Variants in TMEM244 observed in about 807,000 individuals in gnomAD.
TMEM244 encodes putative transmembrane protein 244.
In TMEM244, 13 loss-of-function variants were observed where a neutral mutation model predicts 15.8. The ratio of observed to expected loss-of-function variants is 0.82; its 90% confidence interval spans 0.53 to 1.30. The LOEUF is 1.30. Among genes scored for constraint, TMEM244 ranks in the 50% most tolerant of loss-of-function variants. The pLI, the probability that TMEM244 is intolerant of heterozygous loss-of-function variation, is 0.00. For missense variants in TMEM244, 161 were observed against 144.9 expected (o/e 1.11, Z -0.57); for synonymous variants, 45 against 48.7 (o/e 0.92, Z 0.32).
chr6:129,838,325 C>T (rs1776437491), intron 3 of TMEM244, among the ~76,000 whole-genome samples: 1 of 152,190 alleles, frequency 6.6e-6, no homozygotes, highest in Non-Finnish European at 1.5e-5. Flanking sequence ...CAACCTGCTC[C>T]TGAATGACTA....
chr6:129,857,740 C>A (rs1051913239), intron 1 of TMEM244, among the ~76,000 whole-genome samples: 6 of 151,732 alleles, frequency 4.0e-5, no homozygotes, highest in African/African-American at 1.5e-4. Flanking sequence ...CTCTAGTATT[C>A]TCCATTAAGT....
In TMEM244 at chr6:129,861,158, T is replaced by C. The variant is rs137972639; in HGVS notation, c.31A>G (p.Lys11Glu). The part of the protein sequence containing the change: MALQVRVAPS[K>E]VVLQKFLLCV... ...GCAAAGAAGTAATTTCTCTTTACCT[T>C]GCTTGGAGCAACTCTGACCTGGAGA... The change falls in exon 1 of 5, where the codon AAG becomes GAG. Residue 11 changes from lysine (K) to glutamate (E), a missense_variant and splice_region_variant. Lys to Glu is a moderately conservative substitution (Grantham distance 56, BLOSUM62 1). Transcript: ENST00000368143. 7 of 1,613,666 alleles carry C rather than the reference T, an allele frequency of 4.3e-6. No individual in the cohort carries two copies. Among genetic ancestry groups the C allele is most frequent in the South Asian group, 1.1e-5 (1 of 91,080 alleles).
At chr6:129,840,915 CA>C (rs1165005974) in intron 3 of TMEM244, among the ~76,000 whole-genome samples, 1 of 152,138 alleles carries the variant, frequency 6.6e-6, no homozygotes, top group Non-Finnish European at 1.5e-5. Context: ...ATTAAAAAGT[CA>C]GGAAACAACA....
At chr6:129,840,087 T>A (rs1187857762) in intron 3 of TMEM244, among the ~76,000 whole-genome samples, 1 of 152,142 alleles carries the variant, frequency 6.6e-6, no homozygotes, top group Admixed American at 6.5e-5. Context: ...TACTCTAAAG[T>A]TCATATGGAA....
chr6:129,860,162 C>T (rs1181794015), intron 1 of TMEM244, among the ~76,000 whole-genome samples: 2 of 138,820 alleles, frequency 1.4e-5, no homozygotes, highest in Non-Finnish European at 3.1e-5. Context: ...TCTGTCTGGT[C>T]TGTGTAAGCC....
chr6:129,859,585 C>T (rs1442764279), intron 1 of TMEM244, among the ~76,000 whole-genome samples: 2 of 152,172 alleles, frequency 1.3e-5, no homozygotes, highest in Admixed American at 6.5e-5. Context: ...GGAAACATGC[C>T]GTCTACTGGA....
At chr6:129,852,262 A>T (rs1776645451) in intron 1 of TMEM244, among the ~76,000 whole-genome samples, 1 of 152,134 alleles carries the variant, frequency 6.6e-6, no homozygotes, top group Admixed American at 6.6e-5. Flanking sequence ...ACCGGTGAGC[A>T]TCTTCACAAA....
chr6:129,853,864 C>G (rs1776668536), intron 1 of TMEM244, among the ~76,000 whole-genome samples: 1 of 152,174 alleles, frequency 6.6e-6, no homozygotes, highest in Non-Finnish European at 1.5e-5. Flanking sequence ...CTGAGTACTT[C>G]AGCAGTGTAA....
At chr6:129,835,897 A>G (rs1776398288) in intron 3 of TMEM244, among the ~76,000 whole-genome samples, 1 of 152,144 alleles carries the variant, frequency 6.6e-6, no homozygotes. Context: ...CAGTGTAAAC[A>G]AAGAGGCCTG....
intron 1 of TMEM244, among the ~76,000 whole-genome samples, chr6:129,851,141 T>C (rs1776633009): frequency 6.6e-6 from 1 of 152,194 alleles, no homozygotes; most frequent in South Asian, 2.1e-4. Context: ...ATTAAGGAAC[T>C]AATCCCAGCT....
At chr6:129,833,325 C>T in intron 4 of TMEM244, 135 bp downstream of exon 4, 1 of 984,450 alleles carries the variant, frequency 1.0e-6, no homozygotes. Flanking sequence ...GGGATGAAGA[C>T]CTTTCATCTT....
intron 1 of TMEM244, among the ~76,000 whole-genome samples, chr6:129,855,052 A>G (rs17475770): frequency 0.15 from 22,110 of 152,190 alleles, 1,647 homozygotes; most frequent in East Asian, 0.22. Flanking sequence ...GGATATAGGA[A>G]CTGGTCTAGG....
intron 3 of TMEM244, among the ~76,000 whole-genome samples, chr6:129,836,592 G>A (rs964520588): frequency 6.6e-6 from 1 of 152,142 alleles, no homozygotes; most frequent in Non-Finnish European, 1.5e-5. Flanking sequence ...ACAGAAGTAG[G>A]CTTCAGAAAC....
intron 3 of TMEM244, 121 bp downstream of exon 3, chr6:129,843,409 G>T: frequency 1.7e-6 from 1 of 572,482 alleles, no homozygotes; most frequent in Non-Finnish European, 2.9e-6. Context: ...TTTGAAATCA[G>T]ATAAAATACA....
Position 129,843,657 on chromosome 6 carries a change from G to A in TMEM244, c.120-54C>T, listed in dbSNP as rs1460359997. The A allele has an allele frequency of 8.0e-6, 10 of 1,256,240 alleles. No individual in the cohort carries two copies. In the African/African-American group the frequency reaches 1.0e-4, roughly 13 times the overall value. The allele number at this position is 1,256,240 out of a possible 1,614,324, so 77.8% of individuals were successfully genotyped here. On this transcript the variant is annotated intron_variant, in intron 2 of 4. Transcript: ENST00000368143. ...ACTCTGAATGAGGCAGTTCATAACAGCACATCAAAGTGACACACGTTACTA... is the reference window on the plus strand; with the variant it reads ...ACTCTGAATGAGGCAGTTCATAACAACACATCAAAGTGACACACGTTACTA...
chr6:129,846,814 T>A (rs1418897069), intron 1 of TMEM244, among the ~76,000 whole-genome samples: 1 of 152,166 alleles, frequency 6.6e-6, no homozygotes, highest in African/African-American at 2.4e-5. Context: ...CAGAGCAATT[T>A]GGTAAAACAC....
At chr6:129,858,323 C>T (rs1402090499) in intron 1 of TMEM244, among the ~76,000 whole-genome samples, 1 of 152,026 alleles carries the variant, frequency 6.6e-6, no homozygotes, top group Non-Finnish European at 1.5e-5. Context: ...TAGGAGAATT[C>T]TTTTGTGAAA....
rs900906701 is a variant in TMEM244 at position 129,845,773 on chromosome 6, A to G, written c.113T>C (p.Met38Thr). ...AAGACAATGTGCTACTTACTCAAAC[A>G]TCACGCAGCCCATGCTCAGGGACAC... is the stretch of plus-strand genomic sequence containing the variant. ...YYVSLSMGCV[M>T]FEVHELNVLA... is the part of the protein sequence containing the mutation. The change falls in exon 2 of 5, where the codon ATG (methionine) becomes ACG (threonine). Residue 38 changes from methionine to threonine, a missense_variant. Coordinates refer to ENST00000368143, the MANE Select transcript of TMEM244 (RefSeq NM_001010876.2). 5.6e-6 allele frequency: 9 copies of G among 1,610,662 alleles called. No individual in the cohort carries two copies. Among genetic ancestry groups the G allele is most frequent in the Non-Finnish European group, 7.6e-6 (9 of 1,178,132 alleles).
chr6:129,854,221 A>G (rs747144878), intron 1 of TMEM244, among the ~76,000 whole-genome samples: 1 of 152,180 alleles, frequency 6.6e-6, no homozygotes, highest in African/African-American at 2.4e-5. Context: ...TTCAAAGAAT[A>G]TAAGTTGTTG....
Sources: allele counts gnomAD v4.1 joint callset (sites outside exome capture counted in the v4.1 genomes callset), GRCh38; gene constraint gnomAD v4.1.1; transcripts MANE v1.5; gene names NCBI Gene and HGNC (gene_info 2026-07-23, HGNC 2026-07-21).